Variants in DPP10 observed in about 807,000 individuals in gnomAD.
DPP10 encodes the protein dipeptidyl peptidase like 10.
In DPP10, 33 loss-of-function variants were observed where a neutral mutation model predicts 120.9. The observed-to-expected ratio is 0.27, with a 90% CI of 0.21 to 0.37. The LOEUF is 0.37. Ranked by LOEUF, DPP10 falls within the 10% of genes least tolerant of loss-of-function variation. DPP10 has a pLI of 1.00. For synonymous variants in DPP10, 337 were observed against 326.1 expected (o/e 1.03, Z -0.36); for missense variants, 816 against 942.8 (o/e 0.87, Z 1.76).
chr2:114,584,217 G>A (rs1201837910), intron 1 of DPP10, among the ~76,000 whole-genome samples: 1 of 152,110 alleles, frequency 6.6e-6, no homozygotes, highest in Non-Finnish European at 1.5e-5. Flanking sequence ...TATAGTATAT[G>A]TGTGCATGTA....
intron 5 of DPP10, among the ~76,000 whole-genome samples, chr2:115,648,642 A>T (rs1257761506): frequency 6.6e-6 from 1 of 152,038 alleles, no homozygotes; most frequent in African/African-American, 2.4e-5. Flanking sequence ...ATTAAAAAGT[A>T]GACAATTTTT....
chr2:115,394,242 T>A (rs886220400), intron 3 of DPP10, among the ~76,000 whole-genome samples: 2 of 152,040 alleles, frequency 1.3e-5, no homozygotes, highest in Admixed American at 1.3e-4. Context: ...CTCTTAACAA[T>A]GAAGGACAAC....
At chr2:114,887,493 C>T (rs1433213760) in intron 1 of DPP10, among the ~76,000 whole-genome samples, 1 of 152,164 alleles carries the variant, frequency 6.6e-6, no homozygotes, top group Non-Finnish European at 1.5e-5. Flanking sequence ...AGGTTAGTGT[C>T]TTACACTCAC....
intron 2 of DPP10, among the ~76,000 whole-genome samples, chr2:115,335,606 C>A (rs1362282073): frequency 1.3e-5 from 2 of 152,002 alleles, no homozygotes; most frequent in East Asian, 3.9e-4. Context: ...TTAGGATCTG[C>A]TGACAAGTTA....
chr2:115,023,939 A>C (rs1703263764), intron 1 of DPP10, among the ~76,000 whole-genome samples: 1 of 152,110 alleles, frequency 6.6e-6, no homozygotes, highest in Non-Finnish European at 1.5e-5. Context: ...GTTCTCACTC[A>C]TATGTGGGAG....
intron 1 of DPP10, among the ~76,000 whole-genome samples, chr2:114,956,360 TA>T (rs34234834): frequency 3.5e-4 from 52 of 148,764 alleles, no homozygotes; most frequent in South Asian, 1.5e-3. Context: ...AGAATAAATT[TA>T]AAAAAAAAAC....
At chr2:115,583,005 G>A (rs572958142) in intron 5 of DPP10, among the ~76,000 whole-genome samples, 145 of 152,250 alleles carry the variant, frequency 9.5e-4, no homozygotes, top group African/African-American at 2.7e-3. Flanking sequence ...AGATGATTGC[G>A]TATTTTAATC....
chr2:114,855,347 A>G (rs571032926), intron 1 of DPP10, among the ~76,000 whole-genome samples: 14 of 152,286 alleles, frequency 9.2e-5, no homozygotes, highest in African/African-American at 3.4e-4. Flanking sequence ...TATTCTTAAG[A>G]CACAGAAATA....
chr2:115,259,424 C>T (rs770526020), intron 1 of DPP10, among the ~76,000 whole-genome samples: 4 of 150,396 alleles, frequency 2.7e-5, no homozygotes, highest in Non-Finnish European at 4.4e-5. Flanking sequence ...GCGGAGGTTG[C>T]AGTGAGCCGA....
At chr2:115,398,485 A>T (rs1436854031) in intron 3 of DPP10, among the ~76,000 whole-genome samples, 2 of 152,018 alleles carry the variant, frequency 1.3e-5, no homozygotes, top group Non-Finnish European at 2.9e-5. Flanking sequence ...TTCTTATTTA[A>T]GACTTAGATA....
At chr2:115,616,376 G>C (rs551133835) in intron 5 of DPP10, among the ~76,000 whole-genome samples, 112 of 151,312 alleles carry the variant, frequency 7.4e-4, no homozygotes, top group African/African-American at 2.6e-3. Context: ...ATGAAGCCTC[G>C]CAACCATGGT....
chr2:115,277,471 T>G (rs2059967195), intron 1 of DPP10, among the ~76,000 whole-genome samples: 1 of 145,596 alleles, frequency 6.9e-6, no homozygotes, highest in African/African-American at 2.5e-5. Context: ...TTTTTTTTTT[T>G]TTTTTTTACT....
intron 1 of DPP10, among the ~76,000 whole-genome samples, chr2:115,195,011 A>G (rs1440860352): frequency 6.6e-6 from 1 of 152,134 alleles, no homozygotes; most frequent in African/African-American, 2.4e-5. Flanking sequence ...TTAAGCTGGG[A>G]CAGTGTCTTT....
chr2:115,277,613 G>T (rs552043932), intron 1 of DPP10, among the ~76,000 whole-genome samples: 171 of 151,856 alleles, frequency 1.1e-3, no homozygotes, highest in African/African-American at 3.9e-3. Context: ...AATTACCTTT[G>T]TAGTAAAGGA....
chr2:114,591,845 C>T (rs552330693), intron 1 of DPP10, among the ~76,000 whole-genome samples: 1 of 152,220 alleles, frequency 6.6e-6, no homozygotes, highest in East Asian at 1.9e-4. Context: ...CTGCACCTGG[C>T]CAACCTCTTC....
At chr2:114,561,047 G>A (rs1363035372) in intron 1 of DPP10, among the ~76,000 whole-genome samples, 1 of 152,128 alleles carries the variant, frequency 6.6e-6, no homozygotes, top group Non-Finnish European at 1.5e-5. Flanking sequence ...GAGAGCCACA[G>A]CACCCCCTTT....
intron 5 of DPP10, among the ~76,000 whole-genome samples, chr2:115,557,938 G>A (rs1474777813): frequency 4.6e-5 from 7 of 152,072 alleles, no homozygotes; most frequent in Admixed American, 3.9e-4. Flanking sequence ...AACATTATCT[G>A]GTACAAAACA....
chr2:114,494,111 A>AC (rs1558810439), intron 1 of DPP10, among the ~76,000 whole-genome samples: 20 of 146,270 alleles, frequency 1.4e-4, no homozygotes, highest in Admixed American at 1.2e-3. Flanking sequence ...CAAAAAAAAA[A>AC]AAAAAAAAAA....
intron 1 of DPP10, among the ~76,000 whole-genome samples, chr2:114,497,521 A>C (rs1019908249): frequency 6.6e-6 from 1 of 151,428 alleles, no homozygotes; most frequent in Non-Finnish European, 1.5e-5. Flanking sequence ...AGTATGATTC[A>C]GGAAAAAAAA....
Sources: gnomAD v4.1 joint callset for allele counts (sites outside exome capture counted in the v4.1 genomes callset) on GRCh38, gnomAD v4.1.1 for gene constraint, MANE v1.5 for transcripts, NCBI Gene and HGNC (gene_info 2026-07-23, HGNC 2026-07-21) for gene names.